Variants in RCAN1 observed in about 807,000 individuals in gnomAD.
The protein encoded by RCAN1 is regulator of calcineurin 1.
In RCAN1, 11 loss-of-function variants were observed where a neutral mutation model predicts 22.9. The ratio of observed to expected loss-of-function variants is 0.48; its 90% CI spans 0.30 to 0.79. The LOEUF (loss-of-function observed/expected upper bound fraction) is 0.79, where lower values mean the gene tolerates loss of function less well. Among genes scored for constraint, RCAN1 ranks in the 30% least tolerant of loss-of-function variants. The pLI, the probability that RCAN1 is intolerant of heterozygous loss-of-function variation, is 0.06. For missense variants in RCAN1, 291 were observed against 337.8 expected, an observed-to-expected ratio of 0.86 and a Z score of 1.09; for synonymous variants, 136 against 142.3, an observed-to-expected ratio of 0.96 and a Z score of 0.32.
intron 1 of RCAN1, among the ~76,000 whole-genome samples, chr21:34,555,838 G>A (rs1986543762): frequency 6.6e-6 from 1 of 151,622 alleles, no homozygotes; most frequent in Non-Finnish European, 1.5e-5. Flanking sequence ...CGAGGCAGGT[G>A]GATCACGAGG....
intron 1 of RCAN1, among the ~76,000 whole-genome samples, chr21:34,555,235 T>G (rs927639811): frequency 6.6e-6 from 1 of 152,176 alleles, no homozygotes; most frequent in Non-Finnish European, 1.5e-5. Context: ...TGCCTCTTAT[T>G]TGGATTCTAA....
At chr21:34,603,322 G>A (rs1366812961) in intron 1 of RCAN1, among the ~76,000 whole-genome samples, 1 of 151,944 alleles carries the variant, frequency 6.6e-6, no homozygotes, top group Middle Eastern at 3.2e-3. Context: ...CCCTACCTGC[G>A]GCCTGGGGAC....
At chr21:34,610,364 G>A (rs377691891) in intron 1 of RCAN1, among the ~76,000 whole-genome samples, 1 of 152,148 alleles carries the variant, frequency 6.6e-6, no homozygotes, top group Non-Finnish European at 1.5e-5. Flanking sequence ...TAAGGCGAAC[G>A]GAGGTAACCT....
chr21:34,529,329 G>A (rs79780086), intron 1 of RCAN1, among the ~76,000 whole-genome samples: 5,035 of 152,292 alleles, frequency 0.033, 120 homozygotes, highest in Middle Eastern at 0.072. Flanking sequence ...TCCAAAGTGC[G>A]TCTTGCTGAG....
intron 1 of RCAN1, among the ~76,000 whole-genome samples, chr21:34,574,134 T>G (rs1307873592): frequency 6.6e-6 from 1 of 152,106 alleles, no homozygotes; most frequent in Admixed American, 6.5e-5. Context: ...ACAAAGCATT[T>G]CAGAATATCC....
Position 34,578,245 on chromosome 21 carries a change from T to G in RCAN1, c.252+36515A>C, listed in dbSNP as rs142310893. Among the ~76,000 whole-genome samples the G allele has an allele frequency of 1.4e-3, 209 of 152,348 alleles. 1 individual carries two copies. Among genetic ancestry groups the G allele is most frequent in the African/African-American group, 4.8e-3 (200 of 41,570 alleles). On this transcript the variant is annotated intron_variant, in intron 1 of 3. Transcript: ENST00000313806. ...ACCTTATGATTCTTCTCCCCTCACCTGCAAATATATAGCTTGAGTAGCAGA... is the reference window on the plus strand; with the variant it reads ...ACCTTATGATTCTTCTCCCCTCACCGGCAAATATATAGCTTGAGTAGCAGA...
intron 1 of RCAN1, among the ~76,000 whole-genome samples, chr21:34,586,523 G>A (rs1987803823): frequency 6.6e-6 from 1 of 152,176 alleles, no homozygotes. Context: ...ATCAAAACTT[G>A]TAAGATGCAG....
At position 34,518,073 on chromosome 21, in the gene RCAN1, C is replaced by T. The variant is rs200513615; in HGVS notation, c.*11G>A. 33 of 1,613,888 alleles carry T rather than the reference C, an allele frequency of 2.0e-5. No individual in the cohort carries two copies. The highest frequency in any genetic ancestry group is 4.5e-5 in the East Asian group (2 of 44,876). ...AGTATGATTTGGAATGCGTCCTCGT[C>T]GCGTGCCAGTTCAGCTGAGGTGGAT... On this transcript the variant is annotated 3_prime_UTR_variant, in exon 4 of 4. Coordinates refer to ENST00000313806, the MANE Select transcript of RCAN1 (RefSeq NM_004414.7). This position sits in a 1 kb window ranked among gnomAD's most constrained non-coding sequence, Gnocchi z 4.2.
chr21:34,601,539 C>A (rs116546779), intron 1 of RCAN1, among the ~76,000 whole-genome samples: 2,145 of 152,302 alleles, frequency 0.014, 40 homozygotes, highest in African/African-American at 0.043. Flanking sequence ...GAATGCTAGG[C>A]TGGGCACGGT....
intron 1 of RCAN1, among the ~76,000 whole-genome samples, chr21:34,558,778 G>C (rs1259649687): frequency 6.6e-6 from 1 of 152,186 alleles, no homozygotes; most frequent in Admixed American, 6.5e-5. Flanking sequence ...AGTTGCACTG[G>C]GGAGAACATT....
At chr21:34,604,378 C>T (rs148548776) in intron 1 of RCAN1, among the ~76,000 whole-genome samples, 2 of 152,022 alleles carry the variant, frequency 1.3e-5, no homozygotes, top group Non-Finnish European at 2.9e-5. Context: ...GTGATCTGCC[C>T]GCCTCAGCCT....
At position 34,528,832 on chromosome 21, in the gene RCAN1, CTT is replaced by C. The variant is rs1276990465; in HGVS notation, c.253-5124_253-5123del. On this transcript the variant is annotated intron_variant, in intron 1 of 3. Coordinates refer to ENST00000313806, the MANE Select transcript of RCAN1 (RefSeq NM_004414.7). ...GGCTGATTTCACTGTCTTCTTTTCT[CTT>C]TTAAAATCATGACACAAAGTTCCAG... Among the ~76,000 whole-genome samples the C allele has an allele frequency of 6.6e-5, 10 of 152,250 alleles. No homozygotes were observed. The East Asian group carries it at 1.9e-3, about 29-fold the overall frequency.
At chr21:34,563,382 T>A (rs974409490) in intron 1 of RCAN1, among the ~76,000 whole-genome samples, 2 of 152,114 alleles carry the variant, frequency 1.3e-5, no homozygotes, top group African/African-American at 4.8e-5. Flanking sequence ...TTTGGGGAAA[T>A]TATTCCTACA....
At chr21:34,597,766 C>A (rs540797386) in intron 1 of RCAN1, among the ~76,000 whole-genome samples, 1 of 152,034 alleles carries the variant, frequency 6.6e-6, no homozygotes, top group African/African-American at 2.4e-5. Context: ...GCAGGTGATA[C>A]GATTTTATAC....
At chr21:34,525,025 C>T in intron 1 of RCAN1, 1 of 1,539,814 alleles carries the variant, frequency 6.5e-7, no homozygotes, top group South Asian at 1.2e-5. Flanking sequence ...AGGGGCTGGC[C>T]AGGAAGAAGG....
intron 1 of RCAN1, among the ~76,000 whole-genome samples, chr21:34,567,210 C>A (rs1444552937): frequency 6.6e-6 from 1 of 152,170 alleles, no homozygotes. Context: ...AAAGAAACCC[C>A]CGAGGCTGGG....
chr21:34,580,921 G>A lies in RCAN1; in HGVS notation c.252+33839C>T, dbSNP rs1053955723. Among the ~76,000 whole-genome samples, 82 of 152,318 alleles carry A rather than the reference G, an allele frequency of 5.4e-4. 1 individual carries two copies. Among genetic ancestry groups the A allele is most frequent in the African/African-American group, 1.9e-3 (77 of 41,586 alleles). On this transcript the variant is annotated intron_variant, in intron 1 of 3. Coordinates refer to ENST00000313806, the MANE Select transcript of RCAN1 (RefSeq NM_004414.7). Reference sequence around the variant, plus strand: ...GTAAATCAAGGCAAAGCACAGGCAGGCAGGCAACACAGGGGAGGTCTATGG... The same window carrying A: ...GTAAATCAAGGCAAAGCACAGGCAGACAGGCAACACAGGGGAGGTCTATGG...
At chr21:34,574,067 G>A (rs149717751) in intron 1 of RCAN1, among the ~76,000 whole-genome samples, 4 of 152,320 alleles carry the variant, frequency 2.6e-5, no homozygotes, top group African/African-American at 9.6e-5. Flanking sequence ...TTTTCCAATG[G>A]AAGGGACTCA....
intron 1 of RCAN1, among the ~76,000 whole-genome samples, chr21:34,602,364 C>T (rs1988382617): frequency 6.6e-6 from 1 of 152,190 alleles, no homozygotes; most frequent in Non-Finnish European, 1.5e-5. Context: ...AAGCTCTATA[C>T]CCGCACCCCA....
Sources: gnomAD v4.1 joint callset for allele counts (sites outside exome capture counted in the v4.1 genomes callset) on GRCh38, gnomAD v4.1.1 for gene constraint, Gnocchi (gnomAD v3.1) non-coding constraint, MANE v1.5 for transcripts, NCBI Gene and HGNC (gene_info 2026-07-23, HGNC 2026-07-21) for gene names.